The following CAPN5 variants were observed in gnomAD, a reference collection of about 807,000 sequenced individuals.
CAPN5 encodes calpain-5.
A neutral mutation model predicts 73.0 loss-of-function variants in CAPN5; 54 were observed. The observed-to-expected ratio is 0.74, with a 90% CI of 0.59 to 0.93. The LOEUF is 0.93. CAPN5 is among the 40% of genes least tolerant of loss of function. CAPN5 has a pLI of 0.00. For missense variants in CAPN5, 785 were observed against 882.9 expected (o/e 0.89, Z 1.41); for synonymous variants, 335 against 356.9 (o/e 0.94, Z 0.69).
In CAPN5 at chr11:77,119,148, A is replaced by G; in HGVS notation, c.1286A>G (p.Tyr429Cys). 1.2e-6 allele frequency: 2 copies of G among 1,610,670 alleles called. No individual in the cohort carries two copies. The highest frequency in any genetic ancestry group is 8.5e-7 in the Non-Finnish European group (1 of 1,178,606). ...AACCTGGCCATTGGCTTTGACATCT[A>G]CAAGGTGAGGCCAGCCGGGTCCCCT... ...GENLAIGFDI[Y>C]KVEENRQYRM... is the part of the protein sequence containing the mutation. The change falls in exon 9 of 13, where the codon TAC becomes TGC. Residue 429 changes from tyrosine to cysteine, a missense_variant. Transcript: ENST00000648180.
intron 3 of CAPN5, chr11:77,103,394 TCCC>T (rs1228406884): frequency 6.5e-6 from 10 of 1,532,418 alleles, no homozygotes; most frequent in Non-Finnish European, 8.7e-6. Flanking sequence ...CCTGCCACTT[TCCC>T]CCCTGTATTT....
chr11:77,101,024 C>T (rs1304367014), intron 3 of CAPN5, among the ~76,000 whole-genome samples: 5 of 152,250 alleles, frequency 3.3e-5, no homozygotes, highest in African/African-American at 1.2e-4. Flanking sequence ...CTGGCCAGTA[C>T]CTGTGTACTG....
chr11:77,095,598 A>G (rs1950200129), intron 3 of CAPN5, among the ~76,000 whole-genome samples: 1 of 152,158 alleles, frequency 6.6e-6, no homozygotes, highest in Non-Finnish European at 1.5e-5. Context: ...CAGCAGCCCC[A>G]CGGTCGGCCT....
chr11:77,087,910 C>G (rs1280940794), intron 2 of CAPN5: 17 of 1,535,798 alleles, frequency 1.1e-5, no homozygotes, highest in Non-Finnish European at 1.5e-5. Flanking sequence ...CACCCTTCAC[C>G]CACAGGCTCG....
intron 3 of CAPN5, among the ~76,000 whole-genome samples, chr11:77,108,512 T>A (rs1374341010): frequency 6.6e-6 from 1 of 152,092 alleles, no homozygotes; most frequent in Non-Finnish European, 1.5e-5. Flanking sequence ...GAGCGTGGAC[T>A]GCCGGGCCAG....
chr11:77,093,605 G>GGGGGGCA, intron 2 of CAPN5, 77 bp from the exon 3 acceptor site: 3 of 1,240,210 alleles, frequency 2.4e-6, no homozygotes, highest in East Asian at 2.7e-5. Context: ...TCACGTCTGT[G>GGGGGGCA]TCTGTCATGT....
chr11:77,099,580 G>A (rs1287474832), intron 3 of CAPN5, among the ~76,000 whole-genome samples: 6 of 151,688 alleles, frequency 4.0e-5, no homozygotes, highest in Non-Finnish European at 5.9e-5. Flanking sequence ...CCAGTCAGGC[G>A]TGGTGGCGCG....
At chr11:77,086,911 C>G (rs1398220749) in intron 2 of CAPN5, among the ~76,000 whole-genome samples, 1 of 152,214 alleles carries the variant, frequency 6.6e-6, no homozygotes, top group Non-Finnish European at 1.5e-5. Context: ...GTCAGCTGCC[C>G]TTTCTGAGCC....
chr11:77,120,959 C>A (rs782197025), intron 10 of CAPN5, 50 bp downstream of exon 10: 187 of 1,543,554 alleles, frequency 1.2e-4, no homozygotes, highest in Non-Finnish European at 1.6e-4. Flanking sequence ...GACATTCACA[C>A]TGGGCCAACC....
intron 5 of CAPN5, among the ~76,000 whole-genome samples, 181 bp from the exon 6 acceptor site, chr11:77,115,214 C>T (rs901419190): frequency 1.3e-5 from 2 of 152,260 alleles, no homozygotes; most frequent in African/African-American, 4.8e-5. Flanking sequence ...TGGGCACCTT[C>T]CTTTACTGAG....
intron 1 of CAPN5, among the ~76,000 whole-genome samples, chr11:77,076,548 A>G (rs1316951596): frequency 6.6e-6 from 1 of 152,076 alleles, no homozygotes; most frequent in East Asian, 1.9e-4. Flanking sequence ...CCTGTTAACC[A>G]CCATTTTACC....
chr11:77,112,132 G>A (rs1462738446), intron 3 of CAPN5, among the ~76,000 whole-genome samples: 2 of 152,128 alleles, frequency 1.3e-5, no homozygotes, highest in East Asian at 3.8e-4. Flanking sequence ...CCAGTAGGAT[G>A]GAGAGGAGGA....
At chr11:77,089,914 A>T (rs1235728994) in intron 2 of CAPN5, among the ~76,000 whole-genome samples, 1 of 152,130 alleles carries the variant, frequency 6.6e-6, no homozygotes, top group African/African-American at 2.4e-5. Context: ...CAAAAAACCT[A>T]GTCTACCTGG....
At position 77,112,609 on chromosome 11, in the gene CAPN5, G is replaced by C. The variant is rs1555040927; in HGVS notation, c.318G>C (p.Glu106Asp). The C allele has an allele frequency of 6.2e-7, 1 of 1,613,894 alleles. No homozygotes were observed. The highest frequency in any genetic ancestry group is 1.7e-5 in the Admixed American group (1 of 60,024). ...LWQKVIPDWK[E>D]QEWDPEKPNA... is the part of the protein sequence containing the mutation. The stretch of plus-strand genomic sequence containing the variant: ...CCCAGGTCATCCCAGACTGGAAGGA[G>C]CAGGAATGGGACCCCGAAAAGCCCA... Residue 106 changes from glutamate to aspartate, a missense_variant, in exon 4 of 13, where the codon GAG becomes GAC. By Grantham distance (45) the Glu-to-Asp change is conservative. Transcript: ENST00000648180.
intron 3 of CAPN5, among the ~76,000 whole-genome samples, chr11:77,097,157 G>A (rs1409488464): frequency 6.6e-6 from 1 of 152,122 alleles, no homozygotes; most frequent in African/African-American, 2.4e-5. Flanking sequence ...GGGAGGTGGA[G>A]CTTGCAGTGA....
At chr11:77,105,303 C>G (rs1950333019) in intron 3 of CAPN5, among the ~76,000 whole-genome samples, 2 of 152,116 alleles carry the variant, frequency 1.3e-5, no homozygotes, top group Non-Finnish European at 2.9e-5. Context: ...CACACTCCCC[C>G]AGCCCTTGCC....
intron 1 of CAPN5, among the ~76,000 whole-genome samples, chr11:77,081,744 C>G (rs1008137162): frequency 7.9e-5 from 12 of 152,140 alleles, no homozygotes; most frequent in African/African-American, 2.9e-4. Context: ...GGGCTACAGT[C>G]TGGATAGTGG....
intron 3 of CAPN5, among the ~76,000 whole-genome samples, chr11:77,098,240 A>C (rs1221582806): frequency 2.3e-4 from 11 of 47,200 alleles, no homozygotes; most frequent in Non-Finnish European, 3.5e-4. Context: ...GACCCCCCCC[A>C]CCTCCCTCCC....
intron 3 of CAPN5, 133 bp downstream of exon 3, chr11:77,093,946 C>T: frequency 7.8e-7 from 1 of 1,283,858 alleles, no homozygotes. Flanking sequence ...GGGGTGGGGG[C>T]CCCCAGTACT....
Sources: allele counts gnomAD v4.1 joint callset (sites outside exome capture counted in the v4.1 genomes callset), GRCh38; gene constraint gnomAD v4.1.1; transcripts MANE v1.5; gene names NCBI Gene and HGNC (gene_info 2026-07-23, HGNC 2026-07-21).